FSIP2: variants seen among roughly 807,000 people sequenced by gnomAD.
FSIP2 encodes the protein fibrous sheath-interacting protein 2.
In FSIP2, 367 loss-of-function variants were observed where a neutral mutation model predicts 510.5. The ratio of observed to expected loss-of-function variants is 0.72; its 90% CI spans 0.66 to 0.78. The LOEUF (loss-of-function observed/expected upper bound fraction) is 0.78, where lower values mean the gene tolerates loss of function less well. Ranked by LOEUF, FSIP2 falls within the 30% of genes least tolerant of loss-of-function variation. FSIP2 has a pLI of 0.00. For missense variants in FSIP2, 7,594 were observed against 7,901.7 expected (o/e 0.96, Z 1.48); for synonymous variants, 2,601 against 2,732.2 (o/e 0.95, Z 1.50).
At chr2:185,756,678 T>C (rs762895059) in intron 9 of FSIP2, among the ~76,000 whole-genome samples, 45 of 151,414 alleles carry the variant, frequency 3.0e-4, no homozygotes, top group Admixed American at 6.0e-4. Flanking sequence ...CACTTTATTA[T>C]CTTTTAACTT....
Position 185,793,549 on chromosome 2 carries a change from C to T in FSIP2, c.6413C>T (p.Ala2138Val). The T allele has an allele frequency of 6.5e-7, 1 of 1,534,084 alleles. No individual in the cohort carries two copies. The highest frequency in any genetic ancestry group is 8.7e-7 in the Non-Finnish European group (1 of 1,145,520). Residue 2138 changes from alanine to valine, a missense_variant, in exon 16 of 23, where the codon GCA becomes GTA. Coordinates refer to ENST00000424728, the MANE Select transcript of FSIP2 (RefSeq NM_173651.4). The stretch of plus-strand genomic sequence containing the variant: ...AATTCTGAAATGTTCATGGAGGGTG[C>T]AAATAAGATTATTCCTAAGCTTTCA... Reference protein sequence around the residue: ...EENSEMFMEGANKIIPKLSVP... With the variant: ...EENSEMFMEGVNKIIPKLSVP...
chr2:185,769,821 T>C (rs1484048745), intron 13 of FSIP2, among the ~76,000 whole-genome samples: 2 of 152,182 alleles, frequency 1.3e-5, no homozygotes, highest in Non-Finnish European at 2.9e-5. Flanking sequence ...GTTTTGATCT[T>C]CCGCATATGG....
rs1197308978 is a variant in FSIP2 at position 185,793,021 on chromosome 2, G to A, written c.5885G>A (p.Ser1962Asn). 3 of 1,534,308 alleles carry A rather than the reference G, an allele frequency of 2.0e-6. No individual in the cohort carries two copies. The highest frequency in any genetic ancestry group is 2.6e-6 in the Non-Finnish European group (3 of 1,145,604). Reference sequence around the variant, plus strand: ...ATTCAGCAAGATCACAGTACATTGAGCAAAGCATTATCAGCCAAAGATTCA... The same window carrying A: ...ATTCAGCAAGATCACAGTACATTGAACAAAGCATTATCAGCCAAAGATTCA... The part of the protein sequence containing the change: ...LPIQQDHSTL[S>N]KALSAKDSYS... Residue 1962 changes from serine (S) to asparagine (N), a missense_variant, in exon 16 of 23, where the codon AGC (serine) becomes AAC (asparagine). Physicochemically the swap from Ser to Asn is conservative, Grantham distance 46. Transcript: ENST00000424728.
rs1693253738 is a variant in FSIP2 at position 185,795,735 on chromosome 2, A to G, written c.8599A>G (p.Thr2867Ala). The change falls in exon 16 of 23, where the codon ACT becomes GCT. Residue 2867 changes from threonine (T) to alanine (A), a missense_variant. Physicochemically the swap from Thr to Ala is moderately conservative, Grantham distance 58. Coordinates refer to ENST00000424728, the MANE Select transcript of FSIP2 (RefSeq NM_173651.4). ...KLLMIAENVL[T>A]EISIKAKELE... ...ATTGATGATAGCTGAAAATGTTTTGACTGAAATTTCAATAAAAGCAAAAGA... is the reference window on the plus strand; with the variant it reads ...ATTGATGATAGCTGAAAATGTTTTGGCTGAAATTTCAATAAAAGCAAAAGA... 1 of 1,532,934 alleles carries G rather than the reference A, an allele frequency of 6.5e-7. No homozygotes were observed. Among genetic ancestry groups the G allele is most frequent in the South Asian group, 1.2e-5 (1 of 83,512 alleles). 95.0% of individuals were successfully genotyped at this position (1,532,934 alleles called of 1,614,324 possible). A position where few individuals can be genotyped will look rare whatever the true frequency, so the allele number is the denominator to read the frequency against.
chr2:185,749,765 G>A (rs1007313731), intron 7 of FSIP2, among the ~76,000 whole-genome samples: 10 of 151,702 alleles, frequency 6.6e-5, no homozygotes, highest in East Asian at 3.9e-4. Context: ...GGATTAAGTC[G>A]TCGCCATTAA....
At chr2:185,784,939 T>C (rs1692932127) in intron 14 of FSIP2, among the ~76,000 whole-genome samples, 1 of 150,012 alleles carries the variant, frequency 6.7e-6, no homozygotes, top group Admixed American at 6.6e-5. Flanking sequence ...GTTAATAAAA[T>C]TGTTTTCTAA....
chr2:185,767,524 T>C (rs1326020211), intron 13 of FSIP2, among the ~76,000 whole-genome samples: 2 of 152,114 alleles, frequency 1.3e-5, no homozygotes, highest in Admixed American at 6.6e-5. Context: ...ATAACACATA[T>C]AAATCATGCC....
At chr2:185,810,525 C>A (rs1242858425) in intron 17 of FSIP2, among the ~76,000 whole-genome samples, 1 of 143,650 alleles carries the variant, frequency 7.0e-6, no homozygotes, top group Non-Finnish European at 1.5e-5. Flanking sequence ...GAACCATGAG[C>A]CAGTTAAACC....
chr2:185,744,983 G>C (rs1213995948), intron 4 of FSIP2: 2 of 141,918 alleles, frequency 1.4e-5, no homozygotes, highest in African/African-American at 5.1e-5. Context: ...TGTGGGGTGT[G>C]TGTGTGTGTG....
In FSIP2 at chr2:185,807,677, A is replaced by G. The variant is rs1232247357; in HGVS notation, c.18371A>G (p.Glu6124Gly). The change falls in exon 17 of 23, where the codon GAA becomes GGA. Residue 6124 changes from glutamate to glycine, a missense_variant. Glu to Gly is a moderately conservative substitution (Grantham distance 98, BLOSUM62 -2). Coordinates refer to ENST00000424728, the MANE Select transcript of FSIP2 (RefSeq NM_173651.4). ...AACATAGTTGACTTGGTTCTACGAG[A>G]AGTGGCTAGCAATCAGCTGCAGAGC... is the stretch of plus-strand genomic sequence containing the variant. ...SENIVDLVLREVASNQLQSYF... is the reference protein window; with the variant it reads ...SENIVDLVLRGVASNQLQSYF... 6.2e-7 allele frequency: 1 copy of G among 1,612,882 alleles called. No homozygotes were observed. The highest frequency in any genetic ancestry group is 1.7e-5 in the Admixed American group (1 of 59,890).
chr2:185,792,835 C>T lies in FSIP2; in HGVS notation c.5699C>T (p.Thr1900Ile), dbSNP rs1693170579. 6.5e-7 allele frequency: 1 copy of T among 1,534,252 alleles called. No homozygotes were observed. The highest frequency in any genetic ancestry group is 8.7e-7 in the Non-Finnish European group (1 of 1,145,732). ...ACGGCTTTGGATGAAAATCCATGTA[C>T]TTTTCAGTCTAGATTCAGCGTTGCT... ...SVTALDENPC[T>I]FQSRFSVADK... The change falls in exon 16 of 23, where the codon ACT becomes ATT. Residue 1900 changes from threonine to isoleucine, a missense_variant. Thr to Ile is a moderately conservative substitution (Grantham distance 89). Transcript: ENST00000424728.
intron 20 of FSIP2, among the ~76,000 whole-genome samples, chr2:185,826,763 G>A (rs757880532): frequency 4.6e-5 from 7 of 151,688 alleles, no homozygotes; most frequent in Non-Finnish European, 8.8e-5. Flanking sequence ...AGAGACTATT[G>A]GAGCAACCAA....
At position 185,804,631 on chromosome 2, in the gene FSIP2, T is replaced by A; in HGVS notation, c.15325T>A (p.Tyr5109Asn). ...AAAGGATAGCCATGCCTTGCCACCA[T>A]ATATTACTGTGTTGCCTCATTCTCT... ...ITKDSHALPP[Y>N]ITVLPHSLLE... Residue 5109 changes from tyrosine (Y) to asparagine (N), a missense_variant, in exon 17 of 23, where the codon TAT becomes AAT. Transcript: ENST00000424728. 6.5e-7 allele frequency: 1 copy of A among 1,533,316 alleles called. No homozygotes were observed. The highest frequency in any genetic ancestry group is 8.7e-7 in the Non-Finnish European group (1 of 1,144,894). The allele number at this position is 1,533,316 out of a possible 1,614,324, so 95.0% of individuals were successfully genotyped here. A position where few individuals can be genotyped will look rare whatever the true frequency, so the allele number is the denominator to read the frequency against.
chr2:185,762,674 A>T (rs1179608526), intron 11 of FSIP2, among the ~76,000 whole-genome samples: 1 of 151,182 alleles, frequency 6.6e-6, no homozygotes, highest in African/African-American at 2.4e-5. Context: ...TCCTTAATTT[A>T]TTTTGATCTT....
At chr2:185,742,751 T>G (rs913890678) in intron 2 of FSIP2, among the ~76,000 whole-genome samples, 2 of 152,236 alleles carry the variant, frequency 1.3e-5, no homozygotes, top group African/African-American at 4.8e-5. Context: ...TCCTTTTATC[T>G]TTTGAATAGA....
rs545178204 is a variant in FSIP2 at position 185,829,137 on chromosome 2, G to A, written c.20517+938G>A. Among the ~76,000 whole-genome samples the A allele has an allele frequency of 2.0e-5, 3 of 151,924 alleles. No homozygotes were observed. The East Asian group carries it at 5.9e-4, about 30-fold the overall frequency. On this transcript the variant is annotated intron_variant, in intron 21 of 22. Transcript: ENST00000424728. ...TGAAGCTCTAATCTAAGAACCTATT[G>A]ACACTCAGTGTGTCAAGTGGAATTT...
upstream of FSIP2, chr2:185,738,643 T>C (rs1016419598): frequency 9.8e-6 from 15 of 1,536,064 alleles, no homozygotes; most frequent in South Asian, 1.4e-4. Context: ...GTTTCAACTG[T>C]GGTCCTCTCA....
rs1574180433 is a variant in FSIP2 at position 185,789,385 on chromosome 2, A to G, written c.2249A>G (p.His750Arg). ...AAAGAAATCTTGCTTTCCAATGCTC[A>G]TATTCCCTCAGTTGCTTCTGAGATT... ...REKEILLSNA[H>R]IPSVASEIVE... The change falls in exon 16 of 23, where the codon CAT becomes CGT. Residue 750 changes from histidine to arginine, a missense_variant. Coordinates refer to ENST00000424728, the MANE Select transcript of FSIP2 (RefSeq NM_173651.4). The G allele has an allele frequency of 2.6e-6, 4 of 1,535,050 alleles. No homozygotes were observed. Among genetic ancestry groups the G allele is most frequent in the South Asian group, 1.2e-5 (1 of 84,048 alleles).
intron 13 of FSIP2, among the ~76,000 whole-genome samples, chr2:185,770,079 T>C (rs1485508036): frequency 6.6e-6 from 1 of 152,204 alleles, no homozygotes; most frequent in East Asian, 1.9e-4. Context: ...CCATACAAAT[T>C]TTAAAATAAT....
Sources: allele counts gnomAD v4.1 joint callset (sites outside exome capture counted in the v4.1 genomes callset), GRCh38; gene constraint gnomAD v4.1.1; transcripts MANE v1.5; gene names NCBI Gene and HGNC (gene_info 2026-07-23, HGNC 2026-07-21).